Variants in AGTPBP1 observed in about 807,000 individuals in gnomAD.
AGTPBP1 encodes the protein ATP/GTP binding carboxypeptidase 1.
AGTPBP1 carries 70 observed loss-of-function variants against 143.9 expected under a neutral mutation model. The observed-to-expected ratio is 0.49, with a 90% CI of 0.40 to 0.59. The LOEUF is 0.59. Among genes scored for constraint, AGTPBP1 ranks in the 20% least tolerant of loss-of-function variants. The pLI is 0.00. For missense variants in AGTPBP1, 1,229 were observed against 1,464.5 expected (o/e 0.84, Z 2.62); for synonymous variants, 463 against 500.2 (o/e 0.93, Z 0.99).
chr9:85,785,021 G>C, the AGTPBP1 span, among the ~76,000 whole-genome samples: 12 of 152,304 alleles, frequency 7.9e-5, no homozygotes, highest in African/African-American at 2.6e-4. Context: ...TGTGCAACCT[G>C]TGTTTTAAAA....
At chr9:85,726,297 T>A (rs543348340) in intron 1 of AGTPBP1, among the ~76,000 whole-genome samples, 4 of 151,836 alleles carry the variant, frequency 2.6e-5, no homozygotes, top group African/African-American at 4.8e-5. Flanking sequence ...TTACCCCCAA[T>A]GTTTTGCTAT....
chr9:85,592,731 T>TC (rs1829052131), intron 18 of AGTPBP1, 27 bp from the exon 19 acceptor site: 1 of 1,599,414 alleles, frequency 6.3e-7, no homozygotes, highest in East Asian at 2.3e-5. Flanking sequence ...TAAAACATGT[T>TC]CATTTCATCC....
chr9:85,669,455 C>A (rs771742928), intron 8 of AGTPBP1, 30 bp downstream of exon 8: 1 of 1,439,018 alleles, frequency 6.9e-7, no homozygotes, highest in East Asian at 2.3e-5. Context: ...AAAGGCTATA[C>A]CTATGTTTAC....
chr9:85,770,405 C>T, the AGTPBP1 span: 1 of 1,603,730 alleles, frequency 6.2e-7, no homozygotes, highest in Non-Finnish European at 8.5e-7. Context: ...CATAACCTCT[C>T]TCGTGGTGAA....
At chr9:85,746,053 C>G (rs1220897493), upstream of AGTPBP1, among the ~76,000 whole-genome samples, 1 of 152,090 alleles carries the variant, frequency 6.6e-6, no homozygotes, top group South Asian at 2.1e-4. Context: ...CAACATGGTG[C>G]AGATCAACAG....
Position 85,713,342 on chromosome 9 carries a change from C to A in AGTPBP1, c.-33-776G>T, listed in dbSNP as rs190529743. 1.2e-4 allele frequency among the ~76,000 whole-genome samples: 18 copies of A among 152,230 alleles called. No individual in the cohort carries two copies. The East Asian group carries it at 2.7e-3, about 23-fold the overall frequency. Reference sequence around the variant, plus strand: ...GGACAGGAGTTTGACACCAGCCTGGCCAACATGGTGAAACCCCATCTCTAC... The same window carrying A: ...GGACAGGAGTTTGACACCAGCCTGGACAACATGGTGAAACCCCATCTCTAC... On this transcript the variant is annotated intron_variant, in intron 1 of 25. Transcript: ENST00000357081.
At chr9:85,571,489 CCATA>C (rs1482673498) in intron 25 of AGTPBP1, among the ~76,000 whole-genome samples, 1 of 151,970 alleles carries the variant, frequency 6.6e-6, no homozygotes, top group African/African-American at 2.4e-5. Context: ...ATCATAAGCC[CCATA>C]CATACAAATT....
the AGTPBP1 span, among the ~76,000 whole-genome samples, chr9:85,762,320 A>G: frequency 6.6e-6 from 1 of 152,192 alleles, no homozygotes; most frequent in Non-Finnish European, 1.5e-5. Flanking sequence ...ACACATGCAC[A>G]CATATGTTTA....
chr9:85,655,434 A>C, intron 10 of AGTPBP1, 114 bp from the exon 11 acceptor site: 61 of 871,544 alleles, frequency 7.0e-5, no homozygotes, highest in Non-Finnish European at 9.4e-5. Flanking sequence ...CAAATATCTC[A>C]AAAACCAATA....
upstream of AGTPBP1, among the ~76,000 whole-genome samples, chr9:85,746,558 G>C (rs951853572): frequency 2.6e-5 from 4 of 152,044 alleles, no homozygotes; most frequent in African/African-American, 7.2e-5. Context: ...GAGCCCAGGA[G>C]TTCAAGGCTA....
intron 3 of AGTPBP1, among the ~76,000 whole-genome samples, chr9:85,686,875 A>G (rs1352371922): frequency 6.6e-6 from 1 of 152,198 alleles, no homozygotes; most frequent in Non-Finnish European, 1.5e-5. Context: ...AAACAAAACA[A>G]TTAGCAAAAT....
intron 1 of AGTPBP1, among the ~76,000 whole-genome samples, chr9:85,732,059 G>A (rs1430977742): frequency 6.6e-6 from 1 of 152,094 alleles, no homozygotes; most frequent in Admixed American, 6.6e-5. Flanking sequence ...TAAATGATTT[G>A]TTTAAAATAA....
chr9:85,666,038 C>T (rs1367098191), intron 8 of AGTPBP1, among the ~76,000 whole-genome samples: 1 of 152,074 alleles, frequency 6.6e-6, no homozygotes, highest in African/African-American at 2.4e-5. Flanking sequence ...ATAATTTATA[C>T]TTCCTCATAT....
chr9:85,719,612 GC>G (rs1047389797), intron 1 of AGTPBP1, among the ~76,000 whole-genome samples: 24 of 152,244 alleles, frequency 1.6e-4, no homozygotes, highest in African/African-American at 5.3e-4. Context: ...GCAAACAGGG[GC>G]AATTTGACTT....
At chr9:85,766,905 A>G in the AGTPBP1 span, among the ~76,000 whole-genome samples, 1 of 152,122 alleles carries the variant, frequency 6.6e-6, no homozygotes, top group South Asian at 2.1e-4. Context: ...GTAAATTAAA[A>G]TATTTTTCCT....
intron 24 of AGTPBP1, among the ~76,000 whole-genome samples, chr9:85,577,286 G>A (rs1438556206): frequency 6.6e-6 from 1 of 152,136 alleles, no homozygotes; most frequent in Non-Finnish European, 1.5e-5. Flanking sequence ...GTCACCTTCT[G>A]AGCCTAACTG....
chr9:85,606,624 T>A lies in AGTPBP1; in HGVS notation c.2336-10175A>T, dbSNP rs565496581. Among the ~76,000 whole-genome samples the A allele has an allele frequency of 6.6e-5, 10 of 152,242 alleles. No individual in the cohort carries two copies. In the South Asian group the frequency reaches 1.7e-3, roughly 25 times the overall value. ...ACCCACCCCATGTTTATTGTAGCAC[T>A]ATTCACAATAGCAAAGATATGAATC... is the stretch of plus-strand genomic sequence containing the variant. On this transcript the variant is annotated intron_variant, in intron 17 of 25. Transcript: ENST00000357081.
intron 1 of AGTPBP1, among the ~76,000 whole-genome samples, chr9:85,740,193 T>A (rs190505744): frequency 1.3e-5 from 2 of 152,338 alleles, no homozygotes; most frequent in South Asian, 4.1e-4. Context: ...TAGATTTAAA[T>A]GCTTTGCAAT....
At chr9:85,678,621 A>G (rs1444573595) in intron 4 of AGTPBP1, among the ~76,000 whole-genome samples, 1 of 152,198 alleles carries the variant, frequency 6.6e-6, no homozygotes, top group Non-Finnish European at 1.5e-5. Flanking sequence ...ACATTACAAG[A>G]AGAATCAATT....
Sources: allele counts gnomAD v4.1 joint callset (sites outside exome capture counted in the v4.1 genomes callset), GRCh38; gene constraint gnomAD v4.1.1; transcripts MANE v1.5; gene names NCBI Gene and HGNC (gene_info 2026-07-23, HGNC 2026-07-21).